Variants in CGNL1 observed in about 807,000 individuals in gnomAD.
CGNL1 encodes cingulin-like protein 1.
Under a neutral mutation model 141.2 loss-of-function variants are expected in CGNL1, and 132 were observed. The ratio of observed to expected loss-of-function variants is 0.93; its 90% CI spans 0.81 to 1.08. The LOEUF (loss-of-function observed/expected upper bound fraction) is 1.08, where lower values mean the gene tolerates loss of function less well. CGNL1 is among the 50% of genes least tolerant of loss of function. The pLI is 0.00. For synonymous variants in CGNL1, 690 were observed against 622.1 expected, an observed-to-expected ratio of 1.11 and a Z score of -1.63; for missense variants, 1,870 against 1,588.6, an observed-to-expected ratio of 1.18 and a Z score of -3.01.
intron 5 of CGNL1, 103 bp downstream of exon 5, chr15:57,451,704 C>A (rs2063324364): frequency 1.3e-6 from 1 of 757,624 alleles, no homozygotes; most frequent in South Asian, 1.9e-5. Context: ...AATTTTTTTT[C>A]CCCCAAAAGA....
Position 57,438,857 on chromosome 15 carries a change from C to T in CGNL1, c.858C>T (p.Pro286=). ...TCCGGCGACAGGATTCAGCGGGACCCGTCCTGGATGGAGCTCGGTCCCGGA... is the reference window on the plus strand; with the variant it reads ...TCCGGCGACAGGATTCAGCGGGACCTGTCCTGGATGGAGCTCGGTCCCGGA... The part of the protein sequence containing the change: ...LPFRRQDSAG[P]VLDGARSRRS... Residue 286 remains proline, a synonymous_variant, in exon 2 of 19, where the codon CCC becomes CCT. Coordinates refer to ENST00000281282, the MANE Select transcript of CGNL1 (RefSeq NM_032866.5). 1.2e-6 allele frequency: 2 copies of T among 1,614,202 alleles called. No individual in the cohort carries two copies. Among genetic ancestry groups the T allele is most frequent in the Non-Finnish European group, 1.7e-6 (2 of 1,180,038 alleles).
At chr15:57,426,439 C>A (rs1255763401) in intron 1 of CGNL1, among the ~76,000 whole-genome samples, 1 of 142,070 alleles carries the variant, frequency 7.0e-6, no homozygotes. Context: ...GCCACCACAC[C>A]AGGCCACATT....
chr15:57,528,884 C>T, intron 13 of CGNL1, 69 bp downstream of exon 13: 1 of 1,509,184 alleles, frequency 6.6e-7, no homozygotes, highest in Non-Finnish European at 9.0e-7. Flanking sequence ...GAGAAGCAGC[C>T]TCTTTGCTCT....
intron 1 of CGNL1, among the ~76,000 whole-genome samples, chr15:57,379,914 C>T (rs1474328269): frequency 6.6e-6 from 1 of 152,172 alleles, no homozygotes; most frequent in Non-Finnish European, 1.5e-5. Context: ...GTGTTTTCAG[C>T]CTGGTGTCCC....
At chr15:57,495,889 A>G (rs1426337253) in intron 8 of CGNL1, among the ~76,000 whole-genome samples, 1 of 150,296 alleles carries the variant, frequency 6.7e-6, no homozygotes, top group Non-Finnish European at 1.5e-5. Flanking sequence ...TGAAAACATA[A>G]CTTTGGAAGC....
intron 4 of CGNL1, among the ~76,000 whole-genome samples, chr15:57,442,869 T>C (rs1309209151): frequency 2.0e-5 from 3 of 152,234 alleles, no homozygotes; most frequent in Non-Finnish European, 4.4e-5. Context: ...TCCACTCACG[T>C]TGGCCTCCCA....
chr15:57,392,546 T>C (rs1348357468), intron 1 of CGNL1, among the ~76,000 whole-genome samples: 2 of 152,176 alleles, frequency 1.3e-5, no homozygotes, highest in Non-Finnish European at 2.9e-5. Flanking sequence ...TGCTGGAAAT[T>C]TATCTTGCAA....
At chr15:57,423,768 C>A (rs1409126711) in intron 1 of CGNL1, among the ~76,000 whole-genome samples, 1 of 152,166 alleles carries the variant, frequency 6.6e-6, no homozygotes, top group Non-Finnish European at 1.5e-5. Context: ...TCCTCTTTTC[C>A]CTGTCTTCTT....
At chr15:57,486,340 C>G (rs1419357047) in intron 8 of CGNL1, among the ~76,000 whole-genome samples, 2 of 151,888 alleles carry the variant, frequency 1.3e-5, no homozygotes, top group African/African-American at 4.8e-5. Flanking sequence ...GATATCACTG[C>G]AAAGAGTCAG....
At chr15:57,532,570 A>G (rs142076793) in intron 14 of CGNL1, among the ~76,000 whole-genome samples, 1 of 152,322 alleles carries the variant, frequency 6.6e-6, no homozygotes, top group East Asian at 1.9e-4. Context: ...ACTCTCCCCG[A>G]TTGTCTCACA....
intron 1 of CGNL1, among the ~76,000 whole-genome samples, chr15:57,388,483 C>T (rs191254577): frequency 8.5e-5 from 13 of 152,294 alleles, no homozygotes; most frequent in Admixed American, 3.3e-4. Context: ...ATCCTCCCTC[C>T]GGGGTTCTGT....
chr15:57,461,662 C>T lies in CGNL1; in HGVS notation c.2191-18C>T, dbSNP rs778549273. 5.2e-5 allele frequency: 84 copies of T among 1,605,756 alleles called. No individual in the cohort carries two copies. Among genetic ancestry groups the T allele is most frequent in the Non-Finnish European group, 6.4e-5 (75 of 1,172,628 alleles). On this transcript the variant is annotated intron_variant, in intron 7 of 18. Transcript: ENST00000281282. ...ATGTTTCATTGTCACCTTCTCCCTTCGTGTTTCCTCTCTCTAGGAGCTCTT... is the reference window on the plus strand; with the variant it reads ...ATGTTTCATTGTCACCTTCTCCCTTTGTGTTTCCTCTCTCTAGGAGCTCTT...
At chr15:57,425,391 A>C (rs1190118251) in intron 1 of CGNL1, among the ~76,000 whole-genome samples, 1 of 152,190 alleles carries the variant, frequency 6.6e-6, no homozygotes, top group Non-Finnish European at 1.5e-5. Context: ...AAAAATAAAA[A>C]GACGCTGAGT....
intron 9 of CGNL1, among the ~76,000 whole-genome samples, chr15:57,517,809 G>C (rs74640622): frequency 0.016 from 2,398 of 152,260 alleles, 66 homozygotes; most frequent in African/African-American, 0.054. Context: ...ACCCCCTAAA[G>C]GTCCCACCTT....
At chr15:57,434,809 G>A (rs1382421841) in intron 1 of CGNL1, among the ~76,000 whole-genome samples, 1 of 152,100 alleles carries the variant, frequency 6.6e-6, no homozygotes, top group Non-Finnish European at 1.5e-5. Context: ...AGTAAGCATA[G>A]AATAAAGACA....
chr15:57,524,714 A>C lies in CGNL1; in HGVS notation c.3002A>C (p.Glu1001Ala). The change falls in exon 12 of 19, where the codon GAA (glutamate) becomes GCA (alanine). Residue 1001 changes from glutamate (E) to alanine (A), a missense_variant. Physicochemically the swap from Glu to Ala is moderately radical, Grantham distance 107. Transcript: ENST00000281282. ...RQLKEKTLEAEKSRLTAMKMQ... is the reference protein window; with the variant it reads ...RQLKEKTLEAAKSRLTAMKMQ... ...TTGAAGGAGAAAACGCTGGAGGCAG[A>C]AAAGTCCCGACTGACAGCCATGAAA... The C allele has an allele frequency of 6.2e-7, 1 of 1,614,218 alleles. No individual in the cohort carries two copies. The highest frequency in any genetic ancestry group is 8.5e-7 in the Non-Finnish European group (1 of 1,180,012).
chr15:57,540,727 T>G (rs1295151244), intron 14 of CGNL1, among the ~76,000 whole-genome samples: 1 of 152,216 alleles, frequency 6.6e-6, no homozygotes, highest in Non-Finnish European at 1.5e-5. Context: ...TGACCTCTTA[T>G]GCAGGGCTCG....
rs35752757 is a variant in CGNL1 at position 57,407,747 on chromosome 15, A to ATT, written c.-15-30221_-15-30220dup. 2.7e-3 allele frequency among the ~76,000 whole-genome samples: 367 copies of ATT among 136,206 alleles called. 2 individuals carry two copies. The highest frequency in any genetic ancestry group is 5.3e-3 in the African/African-American group (195 of 36,602). The allele number at this position is 136,206 out of a possible 152,430, so 89.4% of individuals were successfully genotyped here. A position where few individuals can be genotyped will look rare whatever the true frequency, so the allele number is the denominator to read the frequency against. ...AAAGTATTAGAAAAAATTATTCTCA[A>ATT]TTTTTTTTTTTTTTTTTTGAGGCAG... is the stretch of plus-strand genomic sequence containing the variant. On this transcript the variant is annotated intron_variant, in intron 1 of 18. Transcript: ENST00000281282.
In CGNL1 at chr15:57,546,199, C is replaced by T. The variant is rs1457575274; in HGVS notation, c.3733C>T (p.His1245Tyr). The change falls in exon 18 of 19, where the codon CAT becomes TAT. Residue 1245 changes from histidine to tyrosine, a missense_variant. Physicochemically the swap from His to Tyr is moderately conservative, Grantham distance 83. Coordinates refer to ENST00000281282, the MANE Select transcript of CGNL1 (RefSeq NM_032866.5). ...GGAGGAGCAGATGGACATGAATGAG[C>T]ATCTGCAGGGGCAGCTCAACTCCAT... ...ELEEQMDMNE[H>Y]LQGQLNSMKK... 1 of 1,603,168 alleles carries T rather than the reference C, an allele frequency of 6.2e-7. No homozygotes were observed. The highest frequency in any genetic ancestry group is 2.3e-5 in the East Asian group (1 of 44,420).
Sources: allele counts gnomAD v4.1 joint callset (sites outside exome capture counted in the v4.1 genomes callset), GRCh38; gene constraint gnomAD v4.1.1; transcripts MANE v1.5; gene names NCBI Gene and HGNC (gene_info 2026-07-23, HGNC 2026-07-21).